Variants in PLCG2 observed in about 807,000 individuals in gnomAD.
PLCG2 encodes 1-phosphatidylinositol 4,5-bisphosphate phosphodiesterase gamma-2.
A neutral mutation model predicts 175.6 loss-of-function variants in PLCG2; 69 were observed. The observed-to-expected ratio is 0.39, with a 90% confidence interval of 0.32 to 0.48. The LOEUF is 0.48. Ranked by LOEUF, PLCG2 falls within the 20% of genes least tolerant of loss-of-function variation. The pLI is 0.91. For missense variants in PLCG2, 1,798 were observed against 1,650.9 expected, an observed-to-expected ratio of 1.09 and a Z score of -1.54; for synonymous variants, 827 against 624.0, an observed-to-expected ratio of 1.33 and a Z score of -4.85.
chr16:81,814,212 G>A lies in PLCG2; in HGVS notation c.193+28030G>A, dbSNP rs141718134. Reference sequence around the variant, plus strand: ...GAATGGTACCGGGTCTGAAGGATAGGCTGTCTTTTTGCTTGTTTTCTGGTT... The same window carrying A: ...GAATGGTACCGGGTCTGAAGGATAGACTGTCTTTTTGCTTGTTTTCTGGTT... On this transcript the variant is annotated intron_variant, in intron 2 of 32. Coordinates refer to ENST00000564138, the MANE Select transcript of PLCG2 (RefSeq NM_002661.5). 9.9e-3 allele frequency among the ~76,000 whole-genome samples: 1,514 copies of A among 152,284 alleles called. 15 individuals carry two copies. Among genetic ancestry groups the A allele is most frequent in the Non-Finnish European group, 0.015 (1,006 of 68,032 alleles).
chr16:81,900,697 G>C lies in PLCG2; in HGVS notation c.1279G>C (p.Asp427His), dbSNP rs780141402. 1.2e-6 allele frequency: 2 copies of C among 1,613,410 alleles called. No homozygotes were observed. The highest frequency in any genetic ancestry group is 1.7e-6 in the Non-Finnish European group (2 of 1,179,376). The change falls in exon 14 of 33, where the codon GAC (aspartate) becomes CAC (histidine). Residue 427 changes from aspartate to histidine, a missense_variant. By Grantham distance (81) the Asp-to-His change is moderately conservative. Transcript: ENST00000564138. ...CAAGGCCTTCAAGGAAGTATTTGGCGACCTGCTGTTGACGAAGCCCACGGA... is the reference window on the plus strand; with the variant it reads ...CAAGGCCTTCAAGGAAGTATTTGGCCACCTGCTGTTGACGAAGCCCACGGA... ...MAKAFKEVFGDLLLTKPTEAS... is the reference protein window; with the variant it reads ...MAKAFKEVFGHLLLTKPTEAS...
intron 30 of PLCG2, among the ~76,000 whole-genome samples, chr16:81,943,754 T>C (rs1164462751): frequency 6.6e-6 from 1 of 152,028 alleles, no homozygotes; most frequent in Non-Finnish European, 1.5e-5. Flanking sequence ...AAAAACAAAC[T>C]AGCAACAAAA....
At chr16:81,819,643 G>C (rs1035313165) in intron 2 of PLCG2, among the ~76,000 whole-genome samples, 14 of 152,186 alleles carry the variant, frequency 9.2e-5, no homozygotes, top group African/African-American at 3.4e-4. Flanking sequence ...GTAGTGCGGT[G>C]GCGCTATCTC....
At position 81,931,711 on chromosome 16, in the gene PLCG2, TC is replaced by T. The variant is rs1216928449; in HGVS notation, c.2739+58del. ...CCTGGCATTCTGAGGGCTTTGGTGC[TC>T]AGTTGGGACTGTGGGTGGGTCCAGG... On this transcript the variant is annotated intron_variant, in intron 25 of 32. Transcript: ENST00000564138. 1.8e-5 allele frequency: 27 copies of T among 1,541,090 alleles called. No individual in the cohort carries two copies. In the Admixed American group the frequency reaches 4.6e-4, roughly 26 times the overall value.
At chr16:81,752,720 C>T (rs1015931868) in intron 1 of PLCG2, among the ~76,000 whole-genome samples, 5 of 152,222 alleles carry the variant, frequency 3.3e-5, no homozygotes, top group Admixed American at 2.0e-4. Context: ...TGACTGTAGA[C>T]GAGGCCCACT....
At chr16:81,804,794 G>T (rs996274318) in intron 2 of PLCG2, among the ~76,000 whole-genome samples, 2 of 152,194 alleles carry the variant, frequency 1.3e-5, no homozygotes, top group Non-Finnish European at 2.9e-5. Flanking sequence ...TACCTCCTAA[G>T]AGGAACCTGG....
chr16:81,813,030 C>G (rs894520612), intron 2 of PLCG2, among the ~76,000 whole-genome samples: 2 of 152,130 alleles, frequency 1.3e-5, no homozygotes, highest in African/African-American at 4.8e-5. Context: ...TTGCAATGGT[C>G]TGTATATCTA....
chr16:81,948,120 G>C (rs1274675101), intron 31 of PLCG2, among the ~76,000 whole-genome samples: 3 of 135,724 alleles, frequency 2.2e-5, no homozygotes, highest in African/African-American at 5.0e-5. Context: ...AATATTTTCT[G>C]ATTAAAAATT....
chr16:81,786,710 C>T (rs904136481), intron 2 of PLCG2, among the ~76,000 whole-genome samples: 1 of 152,180 alleles, frequency 6.6e-6, no homozygotes, highest in Non-Finnish European at 1.5e-5. Context: ...TCCTCCCCTA[C>T]CTCCGTTTGA....
At chr16:81,865,369 A>G (rs1907177883) in intron 5 of PLCG2, among the ~76,000 whole-genome samples, 2 of 151,952 alleles carry the variant, frequency 1.3e-5, no homozygotes, top group Non-Finnish European at 2.9e-5. Flanking sequence ...ACACATCCAG[A>G]GGTGGGAGTG....
intron 2 of PLCG2, among the ~76,000 whole-genome samples, chr16:81,820,565 C>G (rs1283277622): frequency 6.6e-6 from 1 of 152,212 alleles, no homozygotes; most frequent in African/African-American, 2.4e-5. Flanking sequence ...CCCCATTCTC[C>G]TCATGGGAGA....
chr16:81,777,915 G>A (rs376315313), upstream of PLCG2, among the ~76,000 whole-genome samples: 1 of 151,192 alleles, frequency 6.6e-6, no homozygotes, highest in Non-Finnish European at 1.5e-5. Context: ...TACTCAGGAG[G>A]CTGAGGCAGG....
chr16:81,924,156 A>T (rs1293127641), intron 22 of PLCG2, among the ~76,000 whole-genome samples: 1 of 152,248 alleles, frequency 6.6e-6, no homozygotes, highest in Admixed American at 6.5e-5. Context: ...GCTAGGGTTT[A>T]GTTACCACTT....
At chr16:81,798,166 T>C (rs1213351874) in intron 2 of PLCG2, among the ~76,000 whole-genome samples, 1 of 152,080 alleles carries the variant, frequency 6.6e-6, no homozygotes, top group African/African-American at 2.4e-5. Flanking sequence ...GATGGGGTAA[T>C]AGTGGAGCTT....
At chr16:81,952,701 T>C (rs949929736) in intron 31 of PLCG2, among the ~76,000 whole-genome samples, 4 of 151,938 alleles carry the variant, frequency 2.6e-5, no homozygotes, top group Admixed American at 6.6e-5. Flanking sequence ...AGAGAAGAGA[T>C]AGCTCTTCCT....
chr16:81,842,459 G>T (rs1394240380), intron 2 of PLCG2, among the ~76,000 whole-genome samples: 1 of 152,212 alleles, frequency 6.6e-6, no homozygotes, highest in Non-Finnish European at 1.5e-5. Flanking sequence ...CTCAGCGTGG[G>T]GTTCTGTGAC....
At chr16:81,873,231 A>G (rs965990811) in intron 7 of PLCG2, among the ~76,000 whole-genome samples, 4 of 152,244 alleles carry the variant, frequency 2.6e-5, no homozygotes, top group Non-Finnish European at 4.4e-5. Flanking sequence ...CCTTTTCTAT[A>G]AAATGAAGGT....
intron 9 of PLCG2, among the ~76,000 whole-genome samples, chr16:81,885,151 C>G (rs1338748863): frequency 1.3e-5 from 2 of 152,006 alleles, no homozygotes; most frequent in African/African-American, 4.8e-5. Context: ...CTCAGCCTCC[C>G]AAGTAGCTGG....
At chr16:81,804,356 T>C (rs1217585236) in intron 2 of PLCG2, among the ~76,000 whole-genome samples, 4 of 152,242 alleles carry the variant, frequency 2.6e-5, no homozygotes, top group African/African-American at 9.6e-5. Context: ...ATTGGCTTTC[T>C]GTAGACAGTG....
Sources: gnomAD v4.1 joint callset for allele counts (sites outside exome capture counted in the v4.1 genomes callset) on GRCh38, gnomAD v4.1.1 for gene constraint, MANE v1.5 for transcripts, NCBI Gene and HGNC (gene_info 2026-07-23, HGNC 2026-07-21) for gene names.